The following PCDH15 variants were observed in gnomAD, a reference collection of about 807,000 sequenced individuals.
PCDH15 encodes protocadherin-15.
In PCDH15, 129 loss-of-function variants were observed where a neutral mutation model predicts 178.5. That is an observed-to-expected ratio of 0.72 (90% CI 0.63 to 0.84). PCDH15 has a LOEUF of 0.84. Ranked by LOEUF, PCDH15 falls within the 40% of genes least tolerant of loss-of-function variation. PCDH15 has a pLI of 0.00. For synonymous variants in PCDH15, 800 were observed against 732.0 expected (o/e 1.09, Z -1.50); for missense variants, 2,230 against 2,099.9 (o/e 1.06, Z -1.21).
intron 2 of PCDH15, among the ~76,000 whole-genome samples, chr10:55,111,912 G>A (rs1472261885): frequency 6.6e-6 from 1 of 152,126 alleles, no homozygotes; most frequent in Admixed American, 6.5e-5. Flanking sequence ...ACTGTTATCT[G>A]TGTTTCACAT....
intron 2 of PCDH15, among the ~76,000 whole-genome samples, chr10:55,508,335 A>G (rs1042551463): frequency 6.6e-5 from 10 of 151,752 alleles, no homozygotes; most frequent in Non-Finnish European, 1.5e-4. Flanking sequence ...TTCCAAACTA[A>G]GAAACTAACA....
chr10:55,464,659 T>C (rs958283735), intron 2 of PCDH15, among the ~76,000 whole-genome samples: 3 of 145,068 alleles, frequency 2.1e-5, no homozygotes, highest in Non-Finnish European at 4.5e-5. Flanking sequence ...TATATATGTG[T>C]GTGTGTGTGT....
intron 2 of PCDH15, among the ~76,000 whole-genome samples, chr10:55,419,383 G>T (rs1398103718): frequency 6.6e-6 from 1 of 151,630 alleles, no homozygotes; most frequent in South Asian, 2.1e-4. Flanking sequence ...ACACAATAAG[G>T]TATCCCATGA....
At chr10:54,216,112 A>T (rs1206688103) in intron 9 of PCDH15, among the ~76,000 whole-genome samples, 1 of 151,054 alleles carries the variant, frequency 6.6e-6, no homozygotes, top group African/African-American at 2.4e-5. Flanking sequence ...CCGAATATAT[A>T]TATATAGGTT....
intron 2 of PCDH15, among the ~76,000 whole-genome samples, chr10:54,561,370 G>A (rs183297514): frequency 5.9e-5 from 9 of 152,204 alleles, no homozygotes; most frequent in Admixed American, 5.9e-4. Flanking sequence ...CCTGAAGCAA[G>A]ACAAGGCAAG....
At chr10:53,824,142 G>T (rs1204060010) in intron 32 of PCDH15, among the ~76,000 whole-genome samples, 1 of 65,698 alleles carries the variant, frequency 1.5e-5, no homozygotes, top group Non-Finnish European at 2.9e-5. Flanking sequence ...AAAGATTGAT[G>T]CTAAAAAAAA....
intron 2 of PCDH15, among the ~76,000 whole-genome samples, chr10:55,149,306 T>C (rs988673428): frequency 4.6e-5 from 7 of 151,930 alleles, no homozygotes; most frequent in Non-Finnish European, 1.0e-4. Context: ...TAATAATTTT[T>C]ACATAAAACA....
intron 27 of PCDH15, among the ~76,000 whole-genome samples, chr10:53,864,006 G>C (rs2079278152): frequency 6.6e-6 from 1 of 152,104 alleles, no homozygotes; most frequent in African/African-American, 2.4e-5. Flanking sequence ...ATGAGGACAA[G>C]GTATTGGAGA....
rs72361686 is a variant in PCDH15 at position 54,062,227 on chromosome 10, C to CAAAAAAAAAAAAAAAAAAAAAAAAA, written c.2220+4505_2220+4529dup. 1.1e-4 allele frequency among the ~76,000 whole-genome samples: 6 copies of CAAAAAAAAAAAAAAAAAAAAAAAAA among 53,836 alleles called. 1 individual carries two copies. Among genetic ancestry groups the CAAAAAAAAAAAAAAAAAAAAAAAAA allele is most frequent in the African/African-American group, 2.9e-4 (3 of 10,484 alleles). The allele number at this position is 53,836 out of a possible 152,430, so 35.3% of individuals were successfully genotyped here. A position where few individuals can be genotyped will look rare whatever the true frequency, so the allele number is the denominator to read the frequency against. On this transcript the variant is annotated intron_variant, in intron 18 of 37. Coordinates refer to ENST00000644397, the MANE Select transcript of PCDH15 (RefSeq NM_001384140.1). ...GGGTGACAAGAGTGAGATTCTGTCT[C>CAAAAAAAAAAAAAAAAAAAAAAAAA]AAAAAAAAAAAAAAAAAAAAAAAAA... is the stretch of plus-strand genomic sequence containing the variant.
chr10:55,282,836 A>G (rs1285948660), intron 1 of PCDH15, among the ~76,000 whole-genome samples: 1 of 152,200 alleles, frequency 6.6e-6, no homozygotes, highest in Non-Finnish European at 1.5e-5. Context: ...TATAACTGAG[A>G]AAGTTATTGC....
intron 8 of PCDH15, among the ~76,000 whole-genome samples, chr10:54,287,163 T>A (rs529178064): frequency 6.6e-6 from 1 of 152,174 alleles, no homozygotes; most frequent in Non-Finnish European, 1.5e-5. Flanking sequence ...TTGGTTAAAT[T>A]TACTGACTTC....
In PCDH15 at chr10:54,233,510, A is replaced by G. The variant is rs191228071; in HGVS notation, c.985+3313T>C. On this transcript the variant is annotated intron_variant, in intron 9 of 37. Transcript: ENST00000644397. Reference sequence around the variant, plus strand: ...AGAGAATAGAGTTTGTATTATTTCAATCATCTTCAATTTAACGATATTGGT... The same window carrying G: ...AGAGAATAGAGTTTGTATTATTTCAGTCATCTTCAATTTAACGATATTGGT... Among the ~76,000 whole-genome samples, 32 of 152,294 alleles carry G rather than the reference A, an allele frequency of 2.1e-4. No homozygotes were observed. In the East Asian group the frequency reaches 5.0e-3, roughly 24 times the overall value.
rs1378823372 is a variant in PCDH15, at chr10:54,307,015, CAT to C, written c.876+10254_876+10255del. On this transcript the variant is annotated intron_variant, in intron 8 of 37. Coordinates refer to ENST00000644397, the MANE Select transcript of PCDH15 (RefSeq NM_001384140.1). The stretch of plus-strand genomic sequence containing the variant: ...TTGAAATTAAATATATATATATATA[CAT>C]ATATATATATATGTGTGTGTGTGTA... Among the ~76,000 whole-genome samples, 21 of 36,120 alleles carry C rather than the reference CAT, an allele frequency of 5.8e-4. 1 individual carries two copies. Among genetic ancestry groups the C allele is most frequent in the African/African-American group, 1.5e-3 (17 of 11,648 alleles). The allele number at this position is 36,120 out of a possible 152,430, so 23.7% of individuals were successfully genotyped here.
At chr10:54,623,273 A>C (rs78544931) in intron 2 of PCDH15, among the ~76,000 whole-genome samples, 5,767 of 152,198 alleles carry the variant, frequency 0.038, 333 homozygotes, top group African/African-American at 0.13. Flanking sequence ...CTTTGGCGGC[A>C]GAAGCTCTGC....
At chr10:55,519,109 A>C (rs1841092444) in intron 2 of PCDH15, among the ~76,000 whole-genome samples, 1 of 150,582 alleles carries the variant, frequency 6.6e-6, no homozygotes, top group Non-Finnish European at 1.5e-5. Flanking sequence ...AAAAAAAAAA[A>C]AAAAAAAACA....
In PCDH15 at chr10:54,888,019, T is replaced by A. The variant is rs543993065; in HGVS notation, c.-29+9431A>T. On this transcript the variant is annotated intron_variant, in intron 3 of 5. Coordinates refer to the PCDH15 transcript ENST00000458638. ...AAGGCTGTCCACAATGAGTATTTTT[T>A]AAATAGCTTTGTTGAGTCTTAATTG... is the stretch of plus-strand genomic sequence containing the variant. Among the ~76,000 whole-genome samples, 34 of 152,258 alleles carry A rather than the reference T, an allele frequency of 2.2e-4. No individual in the cohort carries two copies. The South Asian group carries it at 6.4e-3, about 29-fold the overall frequency.
chr10:55,003,776 TAGA>T (rs1839854781), intron 2 of PCDH15, among the ~76,000 whole-genome samples: 1 of 152,180 alleles, frequency 6.6e-6, no homozygotes, highest in African/African-American at 2.4e-5. Context: ...GAGACCCCCT[TAGA>T]AGGATTGGCC....
At chr10:53,831,801 CATT>C (rs1205671644) in intron 29 of PCDH15, among the ~76,000 whole-genome samples, 2 of 152,072 alleles carry the variant, frequency 1.3e-5, no homozygotes, top group Non-Finnish European at 2.9e-5. Context: ...TTATCAGTAT[CATT>C]AAGCTTAATA....
chr10:53,997,169 G>A (rs11003982), intron 20 of PCDH15, among the ~76,000 whole-genome samples: 34,756 of 151,882 alleles, frequency 0.23, 4,271 homozygotes, highest in East Asian at 0.45. Context: ...CATTTCTTCT[G>A]TTTTGAAATA....
Sources: allele counts gnomAD v4.1 joint callset (sites outside exome capture counted in the v4.1 genomes callset), GRCh38; gene constraint gnomAD v4.1.1; transcripts MANE v1.5; gene names NCBI Gene and HGNC (gene_info 2026-07-23, HGNC 2026-07-21).